Variants in DPP10 observed in about 807,000 individuals in gnomAD.
DPP10 encodes inactive dipeptidyl peptidase 10.
Under a neutral mutation model 120.9 loss-of-function variants are expected in DPP10, and 33 were observed. The ratio of observed to expected loss-of-function variants is 0.27; its 90% CI spans 0.21 to 0.37. The LOEUF is 0.37. Ranked by LOEUF, DPP10 falls within the 10% of genes least tolerant of loss-of-function variation. DPP10 has a pLI of 1.00. For synonymous variants in DPP10, 337 were observed against 326.1 expected, an observed-to-expected ratio of 1.03 and a Z score of -0.36; for missense variants, 816 against 942.8, an observed-to-expected ratio of 0.87 and a Z score of 1.76.
intron 1 of DPP10, among the ~76,000 whole-genome samples, chr2:114,500,967 T>C (rs973506228): frequency 1.3e-5 from 2 of 152,224 alleles, no homozygotes; most frequent in African/African-American, 4.8e-5. Flanking sequence ...ACACTTTCCA[T>C]GCACTTCATA....
intron 1 of DPP10, among the ~76,000 whole-genome samples, chr2:115,141,758 A>G (rs984532174): frequency 6.6e-6 from 1 of 152,152 alleles, no homozygotes; most frequent in Non-Finnish European, 1.5e-5. Context: ...ACAATAGGAA[A>G]GGAGGTTTTT....
rs185827302 is a variant in DPP10, at chr2:114,807,721, C to T, written c.60+364883C>T. 3.1e-3 allele frequency among the ~76,000 whole-genome samples: 466 copies of T among 152,192 alleles called. 2 individuals are homozygous for T. The highest frequency in any genetic ancestry group is 4.9e-3 in the Non-Finnish European group (334 of 67,998). Reference sequence around the variant, plus strand: ...ATATAGTTGTTCCAGTTCTCTGTTGCTATGTAACAAACCACTCCTAACTGG... The same window carrying T: ...ATATAGTTGTTCCAGTTCTCTGTTGTTATGTAACAAACCACTCCTAACTGG... On this transcript the variant is annotated intron_variant, in intron 1 of 25. Transcript: ENST00000410059.
At chr2:115,679,700 G>T (rs113475957) in intron 5 of DPP10, among the ~76,000 whole-genome samples, 195 of 152,168 alleles carry the variant, frequency 1.3e-3, no homozygotes, top group African/African-American at 4.2e-3. Flanking sequence ...GCATCAACAT[G>T]GATAAACCTG....
chr2:114,938,347 T>C (rs766995835), intron 1 of DPP10, among the ~76,000 whole-genome samples: 27 of 152,254 alleles, frequency 1.8e-4, no homozygotes, highest in Non-Finnish European at 2.8e-4. Flanking sequence ...TTTTCCATTA[T>C]AATTAATGCC....
At chr2:114,938,102 T>C (rs1435021399) in intron 1 of DPP10, among the ~76,000 whole-genome samples, 3 of 152,222 alleles carry the variant, frequency 2.0e-5, no homozygotes, top group Admixed American at 2.0e-4. Flanking sequence ...GCATTCCCCA[T>C]GAGCACTGTA....
chr2:115,769,337 C>T (rs979685965), intron 13 of DPP10, among the ~76,000 whole-genome samples: 4 of 151,926 alleles, frequency 2.6e-5, no homozygotes, highest in African/African-American at 9.7e-5. Context: ...GTTTTTAGAA[C>T]CTTTAAGACC....
At chr2:114,904,569 A>G (rs535693044) in intron 1 of DPP10, among the ~76,000 whole-genome samples, 2 of 152,352 alleles carry the variant, frequency 1.3e-5, no homozygotes, top group Middle Eastern at 6.8e-3. Flanking sequence ...GCCAATTCAT[A>G]TTGCAAATGT....
At chr2:114,913,897 G>C (rs936805839) in intron 1 of DPP10, among the ~76,000 whole-genome samples, 2 of 152,138 alleles carry the variant, frequency 1.3e-5, no homozygotes, top group African/African-American at 4.8e-5. Context: ...TGATCTTCTA[G>C]AGCTGAAAAA....
chr2:114,911,372 T>C (rs1416418443), intron 1 of DPP10, among the ~76,000 whole-genome samples: 1 of 152,200 alleles, frequency 6.6e-6, no homozygotes, highest in East Asian at 1.9e-4. Context: ...TTATTAAGGA[T>C]CCACTCTTTG....
intron 1 of DPP10, among the ~76,000 whole-genome samples, chr2:115,168,887 C>T (rs943199002): frequency 2.0e-5 from 3 of 152,152 alleles, no homozygotes; most frequent in African/African-American, 7.2e-5. Context: ...ACAGAAAACT[C>T]ACTTTTATCC....
chr2:115,166,529 A>ATAT lies in DPP10; in HGVS notation c.61-142709_61-142707dup, dbSNP rs372302883. ...TTATATAAATTTATAATATAAATAT[A>ATAT]TATATAAATTTATAATATAAATATA... On this transcript the variant is annotated intron_variant, in intron 1 of 25. Transcript: ENST00000410059. Among the ~76,000 whole-genome samples, 829 of 115,122 alleles carry ATAT rather than the reference A, an allele frequency of 7.2e-3. 95 individuals carry two copies. Among genetic ancestry groups the ATAT allele is most frequent in the African/African-American group, 0.025 (747 of 30,354 alleles). The allele number at this position is 115,122 out of a possible 152,430, so 75.5% of individuals were successfully genotyped here.
intron 5 of DPP10, among the ~76,000 whole-genome samples, chr2:115,578,121 G>C (rs748646684): frequency 6.6e-6 from 1 of 152,068 alleles, no homozygotes; most frequent in African/African-American, 2.4e-5. Context: ...AAGCAAGCTG[G>C]CAGCCTTGCT....
intron 1 of DPP10, among the ~76,000 whole-genome samples, chr2:115,143,816 G>C (rs2104855297): frequency 6.6e-6 from 1 of 152,254 alleles, no homozygotes; most frequent in Middle Eastern, 3.4e-3. Context: ...ATTTCATTCT[G>C]TTCATATCCC....
chr2:114,542,045 TTTCC>T (rs1297603026), intron 1 of DPP10, among the ~76,000 whole-genome samples: 12 of 98,886 alleles, frequency 1.2e-4, no homozygotes, highest in African/African-American at 3.3e-4. Flanking sequence ...TCTTTCTTTC[TTTCC>T]TTTTTTTTTT....
intron 1 of DPP10, among the ~76,000 whole-genome samples, chr2:114,570,669 T>C (rs759224219): frequency 1.4e-5 from 2 of 145,194 alleles, no homozygotes; most frequent in Non-Finnish European, 3.0e-5. Flanking sequence ...ACTAAAAAAA[T>C]ACAAAAAAAA....
At chr2:115,334,421 A>G (rs1469726336) in intron 2 of DPP10, among the ~76,000 whole-genome samples, 1 of 151,326 alleles carries the variant, frequency 6.6e-6, no homozygotes, top group Admixed American at 6.6e-5. Flanking sequence ...GAATGGATGA[A>G]TTAGGCTTCA....
chr2:114,798,127 G>A (rs1683874052), intron 1 of DPP10, among the ~76,000 whole-genome samples: 1 of 152,112 alleles, frequency 6.6e-6, no homozygotes, highest in African/African-American at 2.4e-5. Flanking sequence ...ACCACTGAAG[G>A]CCAGCCAAGT....
intron 7 of DPP10, among the ~76,000 whole-genome samples, chr2:115,704,039 AAG>A (rs1472839955): frequency 3.3e-5 from 5 of 151,934 alleles, no homozygotes; most frequent in Admixed American, 2.0e-4. Context: ...AGACTCCCAC[AAG>A]GTTATAAAAT....
intron 1 of DPP10, among the ~76,000 whole-genome samples, chr2:114,780,104 C>G (rs1682174436): frequency 6.6e-6 from 1 of 151,348 alleles, no homozygotes; most frequent in South Asian, 2.1e-4. Flanking sequence ...CCACTGCACT[C>G]CAGCCTGGGT....
Sources: allele counts gnomAD v4.1 joint callset (sites outside exome capture counted in the v4.1 genomes callset), GRCh38; gene constraint gnomAD v4.1.1; transcripts MANE v1.5; gene names NCBI Gene and HGNC (gene_info 2026-07-23, HGNC 2026-07-21).